The following EHHADH variants were observed in gnomAD, a reference collection of about 807,000 sequenced individuals.
The protein encoded by EHHADH is peroxisomal bifunctional enzyme.
EHHADH carries 48 observed loss-of-function variants against 64.4 expected under a neutral mutation model. The observed-to-expected ratio is 0.75, with a 90% CI of 0.59 to 0.95. The LOEUF is 0.95. EHHADH is among the 40% of genes least tolerant of loss of function. The probability of loss-of-function intolerance (pLI) is 0.00; values close to 1 mark genes in which losing one functional copy is unlikely to be tolerated. For missense variants in EHHADH, 854 were observed against 876.6 expected, an observed-to-expected ratio of 0.97 and a Z score of 0.33; for synonymous variants, 308 against 326.7, an observed-to-expected ratio of 0.94 and a Z score of 0.62.
At chr3:185,218,611 G>A (rs1471077867) in intron 4 of EHHADH, among the ~76,000 whole-genome samples, 1 of 152,002 alleles carries the variant, frequency 6.6e-6, no homozygotes, top group African/African-American at 2.4e-5. Context: ...ATGAACTACA[G>A]ATCTCTATAG....
rs1288285835 is a variant in EHHADH at position 185,235,302 on chromosome 3, A to G, written c.339T>C (p.Ile113=). ...CCTTGGTTGTTACCTCTGCGTGGGC[A>G]ATCCTATAGTGACAGCCCAGGGCCA... The part of the protein sequence containing the change: ...LELALGCHYR[I]AHAEAQVGLP... Residue 113 remains isoleucine (I), a synonymous_variant, in exon 3 of 7, where the codon ATT becomes ATC. Transcript: ENST00000231887. 6.2e-7 allele frequency: 1 copy of G among 1,611,126 alleles called. No individual in the cohort carries two copies. The highest frequency in any genetic ancestry group is 1.7e-5 in the Admixed American group (1 of 59,518).
chr3:185,237,329 C>A (rs1719321720), intron 2 of EHHADH, among the ~76,000 whole-genome samples: 1 of 152,032 alleles, frequency 6.6e-6, no homozygotes, highest in South Asian at 2.1e-4. Context: ...TTTGTTTCTT[C>A]TTTTTCATTC....
chr3:185,225,192 T>A (rs1332211608), intron 4 of EHHADH, among the ~76,000 whole-genome samples: 1 of 152,144 alleles, frequency 6.6e-6, no homozygotes, highest in East Asian at 1.9e-4. Context: ...CTATTTGACA[T>A]CTCCACTTGG....
intron 5 of EHHADH, among the ~76,000 whole-genome samples, chr3:185,212,877 T>C (rs1489177221): frequency 3.3e-5 from 5 of 152,066 alleles, no homozygotes; most frequent in Non-Finnish European, 7.4e-5. Context: ...CCCAGCACTT[T>C]GGGAGGCAGA....
At chr3:185,199,326 T>G (rs1362015314) in intron 6 of EHHADH, among the ~76,000 whole-genome samples, 1 of 152,256 alleles carries the variant, frequency 6.6e-6, no homozygotes, top group Non-Finnish European at 1.5e-5. Context: ...AGACTGTACT[T>G]TCTAGATCCC....
chr3:185,223,335 G>A (rs138563009), intron 4 of EHHADH, among the ~76,000 whole-genome samples: 269 of 151,954 alleles, frequency 1.8e-3, no homozygotes, highest in African/African-American at 6.2e-3. Flanking sequence ...TTTTAAATAC[G>A]GTGTTCTTAT....
intron 4 of EHHADH, among the ~76,000 whole-genome samples, chr3:185,218,983 A>G (rs1253652945): frequency 6.6e-6 from 1 of 152,218 alleles, no homozygotes; most frequent in East Asian, 1.9e-4. Context: ...AGATCACACC[A>G]CTGCACTCCA....
At chr3:185,233,696 A>G (rs923875686) in intron 3 of EHHADH, among the ~76,000 whole-genome samples, 3 of 152,218 alleles carry the variant, frequency 2.0e-5, no homozygotes, top group African/African-American at 7.2e-5. Context: ...ACCAGGCTGG[A>G]GTGCAGTGGC....
Position 185,192,633 on chromosome 3 carries a change from T to C in EHHADH, c.1765A>G (p.Ile589Val). The change falls in exon 7 of 7, where the codon ATT (isoleucine) becomes GTT (valine). Residue 589 changes from isoleucine to valine, a missense_variant. Transcript: ENST00000231887. Reference protein sequence around the residue: ...WYQYDKPLGRIHKPDPWLSKF... With the variant: ...WYQYDKPLGRVHKPDPWLSKF... ...GAAAGCCAGGGATCAGGTTTGTGAATCCTACCCAATGGCTTGTCATATTGA... is the reference window on the plus strand; with the variant it reads ...GAAAGCCAGGGATCAGGTTTGTGAACCCTACCCAATGGCTTGTCATATTGA... 1 of 1,614,186 alleles carries C rather than the reference T, an allele frequency of 6.2e-7. No homozygotes were observed. The highest frequency in any genetic ancestry group is 8.5e-7 in the Non-Finnish European group (1 of 1,180,042).
At chr3:185,228,939 G>T (rs1719077637) in intron 4 of EHHADH, among the ~76,000 whole-genome samples, 1 of 151,842 alleles carries the variant, frequency 6.6e-6, no homozygotes, top group African/African-American at 2.4e-5. Flanking sequence ...GAGTAGCTGG[G>T]ATTACAGGTG....
intron 5 of EHHADH, among the ~76,000 whole-genome samples, chr3:185,213,200 A>AT (rs1718596598): frequency 6.6e-6 from 1 of 151,424 alleles, no homozygotes; most frequent in Non-Finnish European, 1.5e-5. Context: ...ACTAGCAAAA[A>AT]TTATCTCCTT....
At chr3:185,201,080 T>C (rs115111292) in intron 6 of EHHADH, among the ~76,000 whole-genome samples, 2,373 of 151,974 alleles carry the variant, frequency 0.016, 64 homozygotes, top group African/African-American at 0.053. Context: ...CAAGGAAAGA[T>C]ATGAGGTGGT....
chr3:185,200,934 A>T (rs1280498240), intron 6 of EHHADH, among the ~76,000 whole-genome samples: 2 of 152,170 alleles, frequency 1.3e-5, no homozygotes, highest in Non-Finnish European at 2.9e-5. Context: ...GCAATGAATC[A>T]TGGAGTTTGG....
intron 1 of EHHADH, among the ~76,000 whole-genome samples, chr3:185,251,211 T>A (rs377629308): frequency 0.012 from 261 of 22,068 alleles, 1 homozygote; most frequent in Non-Finnish European, 0.065. Flanking sequence ...AGGTCTTTCC[T>A]TTTTTTTTTA....
intron 5 of EHHADH, among the ~76,000 whole-genome samples, chr3:185,214,427 A>G (rs923556647): frequency 3.3e-5 from 5 of 152,196 alleles, no homozygotes; most frequent in African/African-American, 1.2e-4. Context: ...CCTGACCTCC[A>G]GTCCTGAGCC....
intron 5 of EHHADH, among the ~76,000 whole-genome samples, chr3:185,208,766 C>T (rs185722385): frequency 1.3e-5 from 2 of 152,216 alleles, no homozygotes; most frequent in East Asian, 3.9e-4. Context: ...AATCTGGAAA[C>T]AATCCAAACA....
At chr3:185,248,946 G>A (rs1719670630) in intron 1 of EHHADH, among the ~76,000 whole-genome samples, 1 of 152,194 alleles carries the variant, frequency 6.6e-6, no homozygotes, top group Admixed American at 6.5e-5. Flanking sequence ...AAAAAGTGAT[G>A]TTGAAGTTCA....
chr3:185,228,282 A>ATATATATATATG, intron 4 of EHHADH, among the ~76,000 whole-genome samples: 1 of 126,180 alleles, frequency 7.9e-6, no homozygotes, highest in Non-Finnish European at 1.7e-5. Context: ...ATATATATGG[A>ATATATATATATG]GAGAGAGAGA....
chr3:185,226,300 C>A (rs1197458826), intron 4 of EHHADH, among the ~76,000 whole-genome samples: 3 of 152,170 alleles, frequency 2.0e-5, no homozygotes, highest in Non-Finnish European at 4.4e-5. Context: ...GGAAAGGAAG[C>A]CTCCTGCCAA....
Sources: gnomAD v4.1 joint callset for allele counts (sites outside exome capture counted in the v4.1 genomes callset) on GRCh38, gnomAD v4.1.1 for gene constraint, MANE v1.5 for transcripts, NCBI Gene and HGNC (gene_info 2026-07-23, HGNC 2026-07-21) for gene names.